The following CFAP54 variants were observed in gnomAD, a reference collection of about 807,000 sequenced individuals.
CFAP54 encodes the protein cilia and flagella associated protein 54, also known as cilia- and flagella-associated protein 54.
In CFAP54, 290 loss-of-function variants were observed where a neutral mutation model predicts 370.4. That is an observed-to-expected ratio of 0.78 (90% CI 0.71 to 0.86). The LOEUF is 0.86. Ranked by LOEUF, CFAP54 falls within the 40% of genes least tolerant of loss-of-function variation. The pLI is 0.00. For synonymous variants in CFAP54, 1,206 were observed against 1,236.5 expected (o/e 0.98, Z 0.52); for missense variants, 3,399 against 3,528.7 (o/e 0.96, Z 0.93).
rs191391618 is a variant in CFAP54 at position 96,797,019 on chromosome 12, T to C, written c.8850+4520T>C. Among the ~76,000 whole-genome samples the C allele has an allele frequency of 2.2e-3, 328 of 152,292 alleles. 2 individuals are homozygous for C. The highest frequency in any genetic ancestry group is 7.3e-3 in the African/African-American group (304 of 41,582). On this transcript the variant is annotated intron_variant, in intron 63 of 67. Coordinates refer to ENST00000524981, the MANE Select transcript of CFAP54 (RefSeq NM_001306084.2). ...GCTGCATCCCACAATTTTTTTATTATAGTGTTGACATCATCATCAATCAGT... is the reference window on the plus strand; with the variant it reads ...GCTGCATCCCACAATTTTTTTATTACAGTGTTGACATCATCATCAATCAGT...
intron 51 of CFAP54, 102 bp downstream of exon 51, chr12:96,740,163 T>C (rs1958035143): frequency 8.9e-6 from 6 of 671,066 alleles, no homozygotes; most frequent in Non-Finnish European, 1.5e-5. Flanking sequence ...AGGAGTAAAG[T>C]AGAAAAAACA....
intron 26 of CFAP54, among the ~76,000 whole-genome samples, chr12:96,605,098 C>T (rs1322482851): frequency 2.0e-5 from 3 of 152,224 alleles, no homozygotes; most frequent in Non-Finnish European, 4.4e-5. Context: ...TGTTCCGATT[C>T]AGCCATCTTG....
At position 96,811,841 on chromosome 12, in the gene CFAP54, A is replaced by G. The variant is rs1163394280; in HGVS notation, c.8956A>G (p.Arg2986Gly). ...TGGCTCTTTATGGATTCCACTGAAT[A>G]GGCAAGTAAAAATTCCACAACTCGA... ...CVGSLWIPLN[R>G]VIAIHEKLSN... Residue 2986 changes from arginine to glycine, a missense_variant and splice_region_variant, in exon 64 of 68, where the codon AGG becomes GGG. Physicochemically the swap from Arg to Gly is moderately radical, Grantham distance 125. Coordinates refer to ENST00000524981, the MANE Select transcript of CFAP54 (RefSeq NM_001306084.2). 1 of 1,461,918 alleles carries G rather than the reference A, an allele frequency of 6.8e-7. No homozygotes were observed. The highest frequency in any genetic ancestry group is 9.1e-7 in the Non-Finnish European group (1 of 1,103,972). The allele number at this position is 1,461,918 out of a possible 1,614,324, so 90.6% of individuals were successfully genotyped here. A position where few individuals can be genotyped will look rare whatever the true frequency, so the allele number is the denominator to read the frequency against.
chr12:96,776,177 G>T (rs1471899598), intron 60 of CFAP54, among the ~76,000 whole-genome samples: 1 of 151,980 alleles, frequency 6.6e-6, no homozygotes, highest in Non-Finnish European at 1.5e-5. Flanking sequence ...TCTCACAAAT[G>T]ATAAGAAGAA....
intron 48 of CFAP54, among the ~76,000 whole-genome samples, chr12:96,709,740 G>C (rs1269658908): frequency 6.1e-5 from 5 of 81,450 alleles, no homozygotes; most frequent in African/African-American, 1.5e-4. Flanking sequence ...TATTGTTTTC[G>C]AGATGGAGTC....
intron 39 of CFAP54, among the ~76,000 whole-genome samples, chr12:96,664,387 GT>G (rs1957033195): frequency 6.6e-6 from 1 of 151,908 alleles, no homozygotes; most frequent in African/African-American, 2.4e-5. Flanking sequence ...GTGGTATTTG[GT>G]TTTCTATTCC....
rs186759289 is a variant in CFAP54, at chr12:96,736,804, A to G, written c.6966-3152A>G. 8.7e-3 allele frequency among the ~76,000 whole-genome samples: 1,321 copies of G among 152,312 alleles called. 11 individuals carry two copies. The highest frequency in any genetic ancestry group is 0.039 in the South Asian group (187 of 4,832). On this transcript the variant is annotated intron_variant, in intron 50 of 67. Transcript: ENST00000524981. ...GTACAGTCAACAGTGACTATATAAC[A>G]GCCATAAATATGATACTAACACTAT...
At chr12:96,641,936 T>TGGGGGGGGGG (rs758561828) in intron 32 of CFAP54, among the ~76,000 whole-genome samples, 16 of 85,416 alleles carry the variant, frequency 1.9e-4, no homozygotes, top group Non-Finnish European at 1.9e-4. Context: ...TGTGGGGTGG[T>TGGGGGGGGGG]GCGGGGGGGG....
chr12:96,780,726 C>T (rs540620842), intron 60 of CFAP54, among the ~76,000 whole-genome samples: 6 of 152,242 alleles, frequency 3.9e-5, no homozygotes, highest in Non-Finnish European at 7.4e-5. Flanking sequence ...AATTTTAAAT[C>T]ATCACAGATA....
At chr12:96,833,954 C>T (rs1959178334) in intron 66 of CFAP54, among the ~76,000 whole-genome samples, 1 of 152,110 alleles carries the variant, frequency 6.6e-6, no homozygotes, top group South Asian at 2.1e-4. Context: ...GATGAGGACA[C>T]TGATACATAG....
intron 58 of CFAP54, among the ~76,000 whole-genome samples, chr12:96,761,583 A>G (rs1431240949): frequency 1.3e-5 from 2 of 151,814 alleles, no homozygotes; most frequent in Non-Finnish European, 2.9e-5. Flanking sequence ...AGATTTTCTT[A>G]TATGTTTTCT....
chr12:96,639,696 C>T (rs1447573936), intron 32 of CFAP54, among the ~76,000 whole-genome samples: 5 of 152,228 alleles, frequency 3.3e-5, no homozygotes, highest in East Asian at 1.9e-4. Flanking sequence ...TACTGGCAAA[C>T]GGAATCCAGC....
intron 45 of CFAP54, among the ~76,000 whole-genome samples, chr12:96,697,283 T>C (rs541635117): frequency 2.6e-5 from 4 of 152,338 alleles, no homozygotes; most frequent in African/African-American, 9.6e-5. Flanking sequence ...AGAAATCTTA[T>C]AGTCAAGACT....
chr12:96,647,495 A>AAAAAAAAAAAAAAAAAT (rs1956809371), intron 33 of CFAP54, among the ~76,000 whole-genome samples: 1 of 149,244 alleles, frequency 6.7e-6, no homozygotes. Context: ...AAAAAAAAAA[A>AAAAAAAAAAAAAAAAAT]AGAAATGCCA....
intron 32 of CFAP54, among the ~76,000 whole-genome samples, chr12:96,631,618 T>C (rs1236647610): frequency 1.3e-5 from 2 of 150,554 alleles, no homozygotes; most frequent in East Asian, 3.9e-4. Context: ...AATAGTGTAA[T>C]GCGTTACATT....
At chr12:96,772,434 A>C (rs998813108) in intron 60 of CFAP54, among the ~76,000 whole-genome samples, 10 of 152,126 alleles carry the variant, frequency 6.6e-5, no homozygotes, top group Admixed American at 3.9e-4. Flanking sequence ...TTTATCTTCC[A>C]AGCCAGCAGC....
rs201942338 is a variant in CFAP54 at position 96,572,887 on chromosome 12, G to GT, written c.2620-3690dup. On this transcript the variant is annotated intron_variant, in intron 19 of 67. Transcript: ENST00000524981. ...TTATAGCCATGGCAGAACACAGAAA[G>GT]TTTTTTTTACCTCAGTTGGATTCAT... 1,380 of 985,186 alleles carry GT rather than the reference G, an allele frequency of 1.4e-3. 6 individuals carry two copies. The highest frequency in any genetic ancestry group is 0.012 in the African/African-American group (672 of 57,298). 61.0% of individuals were successfully genotyped at this position (985,186 alleles called of 1,614,324 possible).
In CFAP54 at chr12:96,754,867, CTGAG is replaced by C. The variant is rs371844094; in HGVS notation, c.7840+971_7840+974del. Among the ~76,000 whole-genome samples, 967 of 152,194 alleles carry C rather than the reference CTGAG, an allele frequency of 6.4e-3. 11 individuals are homozygous for C. Among genetic ancestry groups the C allele is most frequent in the African/African-American group, 0.022 (911 of 41,498 alleles). On this transcript the variant is annotated intron_variant, in intron 56 of 67. Coordinates refer to ENST00000524981, the MANE Select transcript of CFAP54 (RefSeq NM_001306084.2). ...CAAGCAATTCTCCTTCCTCAGCCTA[CTGAG>C]TAACTGGGACCATAGGCGTGCACCA...
intron 17 of CFAP54, among the ~76,000 whole-genome samples, chr12:96,557,678 T>A (rs1955768028): frequency 6.6e-6 from 1 of 152,030 alleles, no homozygotes; most frequent in African/African-American, 2.4e-5. Flanking sequence ...AAAGACTACA[T>A]TCAGTGTGAT....
Sources: gnomAD v4.1 joint callset for allele counts (sites outside exome capture counted in the v4.1 genomes callset) on GRCh38, gnomAD v4.1.1 for gene constraint, MANE v1.5 for transcripts, NCBI Gene and HGNC (gene_info 2026-07-23, HGNC 2026-07-21) for gene names.